Variants in LRP10 observed in about 807,000 individuals in gnomAD.
The protein encoded by LRP10 is LDL receptor related protein 10.
In LRP10, 42 loss-of-function variants were observed where a neutral mutation model predicts 58.5. The ratio of observed to expected loss-of-function variants is 0.72; its 90% CI spans 0.56 to 0.93. The LOEUF is 0.93. LRP10 is among the 40% of genes least tolerant of loss of function. The probability of loss-of-function intolerance (pLI) is 0.00; values close to 1 mark genes in which losing one functional copy is unlikely to be tolerated. For missense variants in LRP10, 872 were observed against 940.1 expected, an observed-to-expected ratio of 0.93 and a Z score of 0.95; for synonymous variants, 377 against 388.5, an observed-to-expected ratio of 0.97 and a Z score of 0.35.
In LRP10 at chr14:22,877,153, G is replaced by C; in HGVS notation, c.1768G>C (p.Glu590Gln). The C allele has an allele frequency of 6.2e-7, 1 of 1,607,550 alleles. No homozygotes were observed. The highest frequency in any genetic ancestry group is 1.3e-5 in the African/African-American group (1 of 74,924). Residue 590 changes from glutamate (E) to glutamine (Q), a missense_variant, in exon 7 of 7, where the codon GAG (glutamate) becomes CAG (glutamine). Glu to Gln is a conservative substitution (Grantham distance 29). Transcript: ENST00000359591. This position sits in a 1 kb window ranked among gnomAD's most constrained non-coding sequence, Gnocchi z 5.1. ...SQVTPSAAPL[E>Q]ALDGGTGPAR... ...GGTCACACCTTCTGCTGCTCCCCTTGAGGCCCTAGATGGTGGCACAGGTCC... is the reference window on the plus strand; with the variant it reads ...GGTCACACCTTCTGCTGCTCCCCTTCAGGCCCTAGATGGTGGCACAGGTCC...
In LRP10 at chr14:22,873,506, G is replaced by T. The variant is rs1223539530; in HGVS notation, c.215+60G>T. The T allele has an allele frequency of 3.2e-6, 5 of 1,561,222 alleles. No homozygotes were observed. The Admixed American group carries it at 9.6e-5, about 30-fold the overall frequency. On this transcript the variant is annotated intron_variant, in intron 3 of 6. Transcript: ENST00000359591. ...CTCCCCTGCCCCTTCCCCTCCATTG[G>T]AAGTCTTCAGGGATCACTTCTTTTT...
Position 22,876,922 on chromosome 14 carries a change from C to T in LRP10, c.1555-18C>T, listed in dbSNP as rs2040013145. ...GCCTTTGGCCCTCTGACTCTGAGGC[C>T]TCCTCATTTCCTTGCAGAACTCAGT... On this transcript the variant is annotated intron_variant, in intron 6 of 6. Coordinates refer to ENST00000359591, the MANE Select transcript of LRP10 (RefSeq NM_014045.5). 3.8e-6 allele frequency: 6 copies of T among 1,579,444 alleles called. No homozygotes were observed. The South Asian group carries it at 5.8e-5, about 15-fold the overall frequency.
In LRP10 at chr14:22,877,184, G is replaced by T. The variant is rs139012932; in HGVS notation, c.1799G>T (p.Arg600Leu). The change falls in exon 7 of 7, where the codon CGT becomes CTT. Residue 600 changes from arginine (R) to leucine (L), a missense_variant. Physicochemically the swap from Arg to Leu is moderately radical, Grantham distance 102. Coordinates refer to ENST00000359591, the MANE Select transcript of LRP10 (RefSeq NM_014045.5). This position sits in a 1 kb window ranked among gnomAD's most constrained non-coding sequence, Gnocchi z 5.1. ...CTAGATGGTGGCACAGGTCCAGCCC[G>T]TGAGGGCGGGGCAGTGGGTGGGCAA... ...EALDGGTGPA[R>L]EGGAVGGQDG... The T allele has an allele frequency of 6.3e-7, 1 of 1,597,218 alleles. No homozygotes were observed. The highest frequency in any genetic ancestry group is 8.5e-7 in the Non-Finnish European group (1 of 1,172,228).
In LRP10 at chr14:22,871,774, G is replaced by A. The variant is rs2138773795; in HGVS notation, c.-530G>A. 2 of 178,512 alleles carry A rather than the reference G, an allele frequency of 1.1e-5. No homozygotes were observed. The highest frequency in any genetic ancestry group is 5.4e-3 in the Middle Eastern group (2 of 372). The allele number at this position is 178,512 out of a possible 1,614,324, so 11.1% of individuals were successfully genotyped here. ...GGCTACTCCAACCCCTGGGCGGGCG[G>A]GGGTACCGCCTGGGCAAGGGCCGGG... On this transcript the variant is annotated 5_prime_UTR_variant, in exon 1 of 7. Transcript: ENST00000359591.
At chr14:22,873,525 T>TA in intron 3 of LRP10, 79 bp downstream of exon 3, 2 of 1,431,252 alleles carry the variant, frequency 1.4e-6, no homozygotes, top group Non-Finnish European at 1.9e-6. Flanking sequence ...AGGGATCACT[T>TA]CTTTTTTTTT....
chr14:22,878,909 G>T lies in LRP10; in HGVS notation c.*1382G>T. On this transcript the variant is annotated 3_prime_UTR_variant, in exon 7 of 7. Transcript: ENST00000359591. Reference sequence around the variant, plus strand: ...GTGACAGAAGCTGCCCCAGAGTTTGGAAGGAAGATCGAGGCAGAAGATGTA... The same window carrying T: ...GTGACAGAAGCTGCCCCAGAGTTTGTAAGGAAGATCGAGGCAGAAGATGTA... 1 of 271,436 alleles carries T rather than the reference G, an allele frequency of 3.7e-6. No homozygotes were observed. Among genetic ancestry groups the T allele is most frequent in the Non-Finnish European group, 7.8e-6 (1 of 128,636 alleles). 16.8% of individuals were successfully genotyped at this position (271,436 alleles called of 1,614,324 possible).
chr14:22,874,929 C>T (rs2039986409), intron 3 of LRP10, 126 bp from the exon 4 acceptor site: 3 of 540,184 alleles, frequency 5.6e-6, no homozygotes, highest in Non-Finnish European at 6.2e-6. Context: ...TTCATTTGGC[C>T]ATTTAGATCA....
In LRP10 at chr14:22,872,325, C is replaced by G. The variant is rs758228412; in HGVS notation, c.22C>G (p.Leu8Val). 2.5e-6 allele frequency: 4 copies of G among 1,613,884 alleles called. No homozygotes were observed. Among genetic ancestry groups the G allele is most frequent in the Non-Finnish European group, 3.4e-6 (4 of 1,179,938 alleles). ...CAGGATGCTGTTGGCCACCCTCCTCCTCCTCCTCCTTGGTAAGAACCGAAA... is the reference window on the plus strand; with the variant it reads ...CAGGATGCTGTTGGCCACCCTCCTCGTCCTCCTCCTTGGTAAGAACCGAAA... MLLATLL[L>V]LLLGGALAHP... The change falls in exon 1 of 7, where the codon CTC becomes GTC. Residue 8 changes from leucine to valine, a missense_variant. By Grantham distance (32) the Leu-to-Val change is conservative. Transcript: ENST00000359591.
rs561435948 is a variant in LRP10 at position 22,872,633 on chromosome 14, AT to A, written c.35-103del. ...CTCCCGCCCCCCACTCCCTCTTCCG[AT>A]TAACTGCCCGGAAGTCCCGGATGGC... On this transcript the variant is annotated intron_variant, in intron 1 of 6. Coordinates refer to ENST00000359591, the MANE Select transcript of LRP10 (RefSeq NM_014045.5). 1.1e-4 allele frequency: 121 copies of A among 1,137,346 alleles called. No homozygotes were observed. The South Asian group carries it at 1.5e-3, about 15-fold the overall frequency. 70.5% of individuals were successfully genotyped at this position (1,137,346 alleles called of 1,614,324 possible). A position where few individuals can be genotyped will look rare whatever the true frequency, so the allele number is the denominator to read the frequency against.
intron 3 of LRP10, among the ~76,000 whole-genome samples, chr14:22,874,056 C>T (rs2039980439): frequency 6.6e-6 from 1 of 152,198 alleles, no homozygotes. Context: ...CTGAAGAGTC[C>T]TTCCATTCAT....
chr14:22,880,673 A>G lies in LRP10; in HGVS notation c.*3146A>G, dbSNP rs139731199. On this transcript the variant is annotated 3_prime_UTR_variant, in exon 7 of 7. Transcript: ENST00000359591. ...AGGAGGGGAGAAGGACCCCCCAGCC[A>G]CACAGCCCAAGGCTGCAGAAGCACC... The G allele has an allele frequency of 6.6e-6, 1 of 151,796 alleles. No homozygotes were observed. Among genetic ancestry groups the G allele is most frequent in the Non-Finnish European group, 1.5e-5 (1 of 68,018 alleles). 9.4% of individuals were successfully genotyped at this position (151,796 alleles called of 1,614,324 possible).
chr14:22,875,641 G>A lies in LRP10; in HGVS notation c.693G>A (p.Arg231=), dbSNP rs1351804175. 6.2e-7 allele frequency: 1 copy of A among 1,614,096 alleles called. No individual in the cohort carries two copies. The highest frequency in any genetic ancestry group is 1.6e-4 in the Middle Eastern group (1 of 6,062). The change falls in exon 5 of 7, where the codon CGG becomes CGA. Residue 231 remains arginine (R), a synonymous_variant. Coordinates refer to ENST00000359591, the MANE Select transcript of LRP10 (RefSeq NM_014045.5). The part of the protein sequence containing the change: ...HWLLDPHDGR[R]LAVRFTALDL... ...TGCTGGACCCCCATGATGGCCGGCGGCTGGCCGTGCGCTTCACAGCCCTGG... is the reference window on the plus strand; with the variant it reads ...TGCTGGACCCCCATGATGGCCGGCGACTGGCCGTGCGCTTCACAGCCCTGG...
chr14:22,876,699 C>A lies in LRP10; in HGVS notation c.1435C>A (p.Pro479Thr), dbSNP rs762352553. ...IRTQEYSIFAPLSRMEAEIVQ... is the reference protein window; with the variant it reads ...IRTQEYSIFATLSRMEAEIVQ... ...CCTCATTCCTTCTAGCATCTTTGCC[C>A]CCCTCTCCCGGATGGAGGCTGAGAT... The change falls in exon 6 of 7, where the codon CCC becomes ACC. Residue 479 changes from proline (P) to threonine (T), a missense_variant. Transcript: ENST00000359591. 13 of 1,613,552 alleles carry A rather than the reference C, an allele frequency of 8.1e-6. No homozygotes were observed. The Admixed American group carries it at 1.8e-4, about 23-fold the overall frequency.
In LRP10 at chr14:22,880,526, A is replaced by C. The variant is rs1332572629; in HGVS notation, c.*2999A>C. The C allele has an allele frequency of 1.3e-5, 2 of 151,746 alleles. No individual in the cohort carries two copies. The highest frequency in any genetic ancestry group is 2.9e-5 in the Non-Finnish European group (2 of 67,986). The allele number at this position is 151,746 out of a possible 1,614,324, so 9.4% of individuals were successfully genotyped here. Reference sequence around the variant, plus strand: ...AGAGTTCAAGAACAGCCTGGGCAACATGATGAAACCCTGTCTCTACCAAAA... The same window carrying C: ...AGAGTTCAAGAACAGCCTGGGCAACCTGATGAAACCCTGTCTCTACCAAAA... On this transcript the variant is annotated 3_prime_UTR_variant, in exon 7 of 7. Transcript: ENST00000359591.
intron 3 of LRP10, 51 bp downstream of exon 3, chr14:22,873,497 C>T: frequency 6.3e-7 from 1 of 1,588,256 alleles, no homozygotes; most frequent in Non-Finnish European, 8.6e-7. Context: ...TGCCCCTTCC[C>T]CTCCATTGGA....
At position 22,877,301 on chromosome 14, in the gene LRP10, G is replaced by A. The variant is rs1304087608; in HGVS notation, c.1916G>A (p.Gly639Glu). ...PAPTTVPEAP[G>E]PLPSLPLEPS... is the part of the protein sequence containing the mutation. ...CCCACTACTGTCCCTGAAGCCCCAGGGCCACTGCCCTCACTGCCCCTAGAG... is the reference window on the plus strand; with the variant it reads ...CCCACTACTGTCCCTGAAGCCCCAGAGCCACTGCCCTCACTGCCCCTAGAG... Residue 639 changes from glycine to glutamate, a missense_variant, in exon 7 of 7, where the codon GGG (glycine) becomes GAG (glutamate). Gly to Glu is a moderately conservative substitution (Grantham distance 98, BLOSUM62 -2). Coordinates refer to ENST00000359591, the MANE Select transcript of LRP10 (RefSeq NM_014045.5). The surrounding 1 kb of genome is among the most constrained non-coding windows in gnomAD (Gnocchi z 5.1). 1 of 1,612,038 alleles carries A rather than the reference G, an allele frequency of 6.2e-7. No homozygotes were observed. Among genetic ancestry groups the A allele is most frequent in the Non-Finnish European group, 8.5e-7 (1 of 1,178,960 alleles).
chr14:22,876,204 A>T lies in LRP10; in HGVS notation c.1256A>T (p.Asp419Val), dbSNP rs1446045686. ...EKCVYETWVCDGQPDCADGSD... is the reference protein window; with the variant it reads ...EKCVYETWVCVGQPDCADGSD... Reference sequence around the variant, plus strand: ...TGCGTGTATGAGACGTGGGTGTGCGATGGGCAGCCAGACTGTGCGGACGGC... The same window carrying T: ...TGCGTGTATGAGACGTGGGTGTGCGTTGGGCAGCCAGACTGTGCGGACGGC... The change falls in exon 5 of 7, where the codon GAT becomes GTT. Residue 419 changes from aspartate (D) to valine (V), a missense_variant. Coordinates refer to ENST00000359591, the MANE Select transcript of LRP10 (RefSeq NM_014045.5). 2.5e-6 allele frequency: 4 copies of T among 1,614,076 alleles called. No individual in the cohort carries two copies. The highest frequency in any genetic ancestry group is 3.4e-6 in the Non-Finnish European group (4 of 1,180,042).
rs551129244 is a variant in LRP10 at position 22,879,815 on chromosome 14, G to C, written c.*2288G>C. ...CTAGCCGGGATAGGGGACTGACCTTGTACAGGCAGCATGGAGAAACTAAGA... is the reference window on the plus strand; with the variant it reads ...CTAGCCGGGATAGGGGACTGACCTTCTACAGGCAGCATGGAGAAACTAAGA... On this transcript the variant is annotated 3_prime_UTR_variant, in exon 7 of 7. Coordinates refer to ENST00000359591, the MANE Select transcript of LRP10 (RefSeq NM_014045.5). The C allele has an allele frequency of 6.6e-6, 1 of 152,452 alleles. No homozygotes were observed. The highest frequency in any genetic ancestry group is 2.4e-5 in the African/African-American group (1 of 41,548). The allele number at this position is 152,452 out of a possible 1,614,324, so 9.4% of individuals were successfully genotyped here. A position where few individuals can be genotyped will look rare whatever the true frequency, so the allele number is the denominator to read the frequency against.
At position 22,875,772 on chromosome 14, in the gene LRP10, C is replaced by A. The variant is rs201377432; in HGVS notation, c.824C>A (p.Thr275Asn). Residue 275 changes from threonine (T) to asparagine (N), a missense_variant, in exon 5 of 7, where the codon ACT becomes AAT. Physicochemically the swap from Thr to Asn is moderately conservative, Grantham distance 65. Coordinates refer to ENST00000359591, the MANE Select transcript of LRP10 (RefSeq NM_014045.5). ...CACTTCAGCAATGGCAAGGCTGTCACTGTGGAGACACTGTCTGGCCAGGCT... is the reference window on the plus strand; with the variant it reads ...CACTTCAGCAATGGCAAGGCTGTCAATGTGGAGACACTGTCTGGCCAGGCT... ...LTHFSNGKAV[T>N]VETLSGQAVV... The A allele has an allele frequency of 3.7e-6, 6 of 1,614,206 alleles. No homozygotes were observed. In the African/African-American group the frequency reaches 8.0e-5, roughly 21 times the overall value.
Sources: allele counts gnomAD v4.1 joint callset (sites outside exome capture counted in the v4.1 genomes callset), GRCh38; gene constraint gnomAD v4.1.1; non-coding constraint Gnocchi (gnomAD v3.1); transcripts MANE v1.5; gene names NCBI Gene and HGNC (gene_info 2026-07-23, HGNC 2026-07-21).